The following THSD7B variants were observed in gnomAD, a reference collection of about 807,000 sequenced individuals.
THSD7B encodes thrombospondin type 1 domain containing 7B.
THSD7B carries 138 observed loss-of-function variants against 213.6 expected under a neutral mutation model. The ratio of observed to expected loss-of-function variants is 0.65; its 90% CI spans 0.56 to 0.74. The LOEUF (loss-of-function observed/expected upper bound fraction) is 0.74, where lower values mean the gene tolerates loss of function less well. Among genes scored for constraint, THSD7B ranks in the 30% least tolerant of loss-of-function variants. THSD7B has a pLI of 0.00. For missense variants in THSD7B, 1,931 were observed against 1,991.5 expected (o/e 0.97, Z 0.58); for synonymous variants, 742 against 687.0 (o/e 1.08, Z -1.25).
intron 12 of THSD7B, among the ~76,000 whole-genome samples, chr2:137,340,386 A>G (rs1395417048): frequency 6.6e-6 from 1 of 151,928 alleles, no homozygotes; most frequent in Non-Finnish European, 1.5e-5. Context: ...ATTTATGAAT[A>G]CAATGTGGAA....
At chr2:137,164,706 A>T (rs1432596989) in intron 6 of THSD7B, among the ~76,000 whole-genome samples, 2 of 152,196 alleles carry the variant, frequency 1.3e-5, no homozygotes, top group African/African-American at 4.8e-5. Context: ...AGCCATAAAA[A>T]AGGGTGAATT....
chr2:136,914,002 A>T (rs1684309549), intron 2 of THSD7B, among the ~76,000 whole-genome samples: 1 of 152,184 alleles, frequency 6.6e-6, no homozygotes, highest in Non-Finnish European at 1.5e-5. Flanking sequence ...TGGAAAAGCC[A>T]CAGACACTCA....
At chr2:136,880,843 T>C (rs1304951617) in intron 1 of THSD7B, among the ~76,000 whole-genome samples, 1 of 152,200 alleles carries the variant, frequency 6.6e-6, no homozygotes, top group Non-Finnish European at 1.5e-5. Context: ...TAATCCATTA[T>C]GCACACTGAT....
intron 2 of THSD7B, among the ~76,000 whole-genome samples, chr2:136,998,261 C>CAAAAAAAAAAAAAAAAAAA (rs33931359): frequency 8.1e-5 from 8 of 98,386 alleles, no homozygotes; most frequent in Non-Finnish European, 1.3e-4. Context: ...ACTAAAAGGC[C>CAAAAAAAAAAAAAAAAAAA]AAAAAAAAAA....
chr2:137,342,307 T>C (rs559201516), intron 12 of THSD7B, among the ~76,000 whole-genome samples: 300 of 151,716 alleles, frequency 2.0e-3, no homozygotes, highest in African/African-American at 6.9e-3. Context: ...CCAGACAGTT[T>C]ATTGTTAGTA....
At chr2:137,473,518 T>C (rs1688133646) in intron 15 of THSD7B, among the ~76,000 whole-genome samples, 1 of 152,190 alleles carries the variant, frequency 6.6e-6, no homozygotes, top group Admixed American at 6.5e-5. Context: ...CAGCTAGTAC[T>C]GCTTGCAACT....
intron 7 of THSD7B, among the ~76,000 whole-genome samples, chr2:137,225,102 CATT>C (rs1215188404): frequency 6.6e-6 from 1 of 152,162 alleles, no homozygotes; most frequent in Non-Finnish European, 1.5e-5. Flanking sequence ...ATCTTTACAT[CATT>C]ATTATATTTT....
chr2:137,032,415 G>T (rs1686693297), intron 2 of THSD7B, among the ~76,000 whole-genome samples: 1 of 152,036 alleles, frequency 6.6e-6, no homozygotes, highest in Non-Finnish European at 1.5e-5. Context: ...ACATATAACT[G>T]GTTCACATCT....
rs72983436 is a variant in THSD7B at position 137,605,051 on chromosome 2, T to C, written c.3424-11124T>C. Among the ~76,000 whole-genome samples, 965 of 152,330 alleles carry C rather than the reference T, an allele frequency of 6.3e-3. 8 individuals are homozygous for C. The highest frequency in any genetic ancestry group is 0.022 in the African/African-American group (919 of 41,582). ...TGACCTTCAAATTAGCTAATAAGCATAAATTCTATAGAGAGCATCTTCTCA... is the reference window on the plus strand; with the variant it reads ...TGACCTTCAAATTAGCTAATAAGCACAAATTCTATAGAGAGCATCTTCTCA... On this transcript the variant is annotated intron_variant, in intron 17 of 27. Coordinates refer to ENST00000409968, the MANE Select transcript of THSD7B (RefSeq NM_001316349.2).
chr2:137,632,129 C>T (rs1299725376), intron 20 of THSD7B, among the ~76,000 whole-genome samples: 1 of 152,056 alleles, frequency 6.6e-6, no homozygotes, highest in East Asian at 1.9e-4. Context: ...CCACTATGAT[C>T]GTGTACATCT....
chr2:136,985,444 G>A (rs1323814989), intron 2 of THSD7B, among the ~76,000 whole-genome samples: 2 of 152,188 alleles, frequency 1.3e-5, no homozygotes, highest in Non-Finnish European at 2.9e-5. Flanking sequence ...TACTACTTAG[G>A]CCACTGCTTT....
chr2:137,494,558 C>G (rs1679516154), intron 15 of THSD7B, among the ~76,000 whole-genome samples: 1 of 152,056 alleles, frequency 6.6e-6, no homozygotes, highest in South Asian at 2.1e-4. Flanking sequence ...AGGATCTATT[C>G]CAGCAAGCAG....
At chr2:137,637,514 C>G (rs1456430093) in intron 20 of THSD7B, among the ~76,000 whole-genome samples, 2 of 152,114 alleles carry the variant, frequency 1.3e-5, no homozygotes, top group African/African-American at 4.8e-5. Context: ...ACTATATGTT[C>G]CTTGGTTTCA....
intron 2 of THSD7B, among the ~76,000 whole-genome samples, chr2:136,923,929 C>A (rs1684479531): frequency 6.6e-6 from 1 of 152,082 alleles, no homozygotes; most frequent in Admixed American, 6.5e-5. Flanking sequence ...TGATTGCATC[C>A]TTTGAAACAT....
chr2:137,617,721 G>A (rs893598254), intron 18 of THSD7B, among the ~76,000 whole-genome samples: 2 of 152,098 alleles, frequency 1.3e-5, no homozygotes, highest in Non-Finnish European at 2.9e-5. Context: ...ACACATAAAT[G>A]TATTTCTTAT....
intron 14 of THSD7B, among the ~76,000 whole-genome samples, chr2:137,430,667 C>T (rs1292006219): frequency 6.6e-6 from 1 of 152,164 alleles, no homozygotes; most frequent in Non-Finnish European, 1.5e-5. Flanking sequence ...GGGCATTAGC[C>T]AGGGCTGTGA....
At chr2:136,997,607 G>T (rs1230752167) in intron 2 of THSD7B, among the ~76,000 whole-genome samples, 1 of 152,188 alleles carries the variant, frequency 6.6e-6, no homozygotes, top group African/African-American at 2.4e-5. Context: ...AAGCCCTTAG[G>T]CTTCTGATAG....
intron 14 of THSD7B, among the ~76,000 whole-genome samples, chr2:137,419,741 C>G (rs1207745821): frequency 6.6e-6 from 1 of 151,830 alleles, no homozygotes; most frequent in East Asian, 2.0e-4. Context: ...TCAATCTGGT[C>G]CGAGAATTTA....
intron 15 of THSD7B, among the ~76,000 whole-genome samples, chr2:137,535,873 G>C (rs774774001): frequency 1.3e-5 from 2 of 151,376 alleles, no homozygotes; most frequent in Non-Finnish European, 3.0e-5. Flanking sequence ...ATTATCAGTG[G>C]GGGGAACAGA....
Sources: allele counts gnomAD v4.1 joint callset (sites outside exome capture counted in the v4.1 genomes callset), GRCh38; gene constraint gnomAD v4.1.1; transcripts MANE v1.5; gene names NCBI Gene and HGNC (gene_info 2026-07-23, HGNC 2026-07-21).